The following LPA variants were observed in gnomAD, a reference collection of about 807,000 sequenced individuals.
The protein encoded by LPA is apolipoprotein(a).
LPA carries 199 observed loss-of-function variants against 197.9 expected under a neutral mutation model. The observed-to-expected ratio is 1.01, with a 90% CI of 0.90 to 1.13. LPA has a LOEUF of 1.13. Among genes scored for constraint, LPA ranks in the 50% most tolerant of loss-of-function variants. The pLI is 0.00. For missense variants in LPA, 1,853 were observed against 1,785.8 expected (o/e 1.04, Z -0.68); for synonymous variants, 715 against 639.5 (o/e 1.12, Z -1.78).
At chr6:160,654,072 TAATATATATTATA>T (rs1562355052) in intron 1 of LPA, among the ~76,000 whole-genome samples, 24 of 51,630 alleles carry the variant, frequency 4.6e-4, no homozygotes, top group East Asian at 6.8e-4. Flanking sequence ...ATATTATATA[TAATATATATTATA>T]TATATTATAT....
intron 28 of LPA, among the ~76,000 whole-genome samples, chr6:160,576,684 GTGTGTGTATA>G (rs1277356749): frequency 8.6e-5 from 8 of 92,622 alleles, no homozygotes; most frequent in African/African-American, 1.4e-4. Flanking sequence ...GTGTGTGTGT[GTGTGTGTATA>G]TATATATATA....
At chr6:160,553,434 T>G (rs1228788209) in intron 30 of LPA, among the ~76,000 whole-genome samples, 1 of 152,200 alleles carries the variant, frequency 6.6e-6, no homozygotes, top group Non-Finnish European at 1.5e-5. Flanking sequence ...CGTATTTACA[T>G]CACGTTTATT....
At chr6:160,604,972 G>A (rs957219273) in intron 18 of LPA, 74 bp downstream of exon 18, 7 of 1,598,122 alleles carry the variant, frequency 4.4e-6, no homozygotes, top group Non-Finnish European at 6.0e-6. Context: ...TGAACACTCA[G>A]CTTGAAGCAT....
chr6:160,610,353 C>A (rs546397773), intron 16 of LPA, among the ~76,000 whole-genome samples: 7 of 152,074 alleles, frequency 4.6e-5, no homozygotes, highest in South Asian at 4.2e-4. Context: ...TCTGCAGCTG[C>A]CTTTATTCTA....
At chr6:160,652,874 T>C (rs1039011398) in intron 1 of LPA, among the ~76,000 whole-genome samples, 2 of 152,074 alleles carry the variant, frequency 1.3e-5, no homozygotes, top group African/African-American at 2.4e-5. Context: ...GTATATATTA[T>C]AAACATTGTG....
intron 2 of LPA, among the ~76,000 whole-genome samples, chr6:160,647,440 G>T (rs1389049188): frequency 2.0e-5 from 3 of 152,144 alleles, no homozygotes; most frequent in Non-Finnish European, 2.9e-5. Flanking sequence ...ATCCAACATT[G>T]TGTCTCTAGT....
intron 1 of LPA, among the ~76,000 whole-genome samples, chr6:160,655,799 C>A (rs1474381807): frequency 2.0e-5 from 3 of 152,146 alleles, no homozygotes; most frequent in African/African-American, 7.2e-5. Flanking sequence ...ATCATAATGT[C>A]ATGAATGTAA....
chr6:160,552,363 CT>C (rs1230015213), intron 30 of LPA, among the ~76,000 whole-genome samples: 1 of 152,136 alleles, frequency 6.6e-6, no homozygotes. Flanking sequence ...GATATGGAGT[CT>C]TTTAATCTAT....
chr6:160,592,926 T>C (rs570871190), intron 22 of LPA, among the ~76,000 whole-genome samples: 86 of 152,326 alleles, frequency 5.6e-4, no homozygotes, highest in African/African-American at 2.0e-3. Flanking sequence ...AGCATCTCCA[T>C]TGAGCTCACT....
At chr6:160,610,586 T>C (rs1428466727) in intron 16 of LPA, among the ~76,000 whole-genome samples, 1 of 152,156 alleles carries the variant, frequency 6.6e-6, no homozygotes, top group Non-Finnish European at 1.5e-5. Flanking sequence ...TCTGTGCACA[T>C]GCAGTGTCAT....
intron 20 of LPA, among the ~76,000 whole-genome samples, chr6:160,596,525 A>G (rs1156975744): frequency 6.6e-6 from 1 of 152,120 alleles, no homozygotes; most frequent in African/African-American, 2.4e-5. Flanking sequence ...AGTATAAGAA[A>G]CCAACACTGA....
intron 23 of LPA, 99 bp downstream of exon 23, chr6:160,590,845 A>G: frequency 6.7e-7 from 1 of 1,502,974 alleles, no homozygotes; most frequent in Non-Finnish European, 9.2e-7. Flanking sequence ...CCACATTCAG[A>G]TTCCCGTGCA....
intron 28 of LPA, among the ~76,000 whole-genome samples, chr6:160,574,259 G>A (rs559420293): frequency 3.4e-4 from 51 of 152,144 alleles, no homozygotes; most frequent in African/African-American, 1.1e-3. Context: ...CCCCAACCCC[G>A]CAACAGCTCC....
chr6:160,595,342 T>C lies in LPA; in HGVS notation c.3469+12A>G, dbSNP rs7745744. On this transcript the variant is annotated intron_variant, in intron 21 of 38. Transcript: ENST00000316300. Reference sequence around the variant, plus strand: ...GTCCTAGGGTGTGGTTGTCTGGCCATAGACTTCCTACCTTCTTCAGAAGAA... The same window carrying C: ...GTCCTAGGGTGTGGTTGTCTGGCCACAGACTTCCTACCTTCTTCAGAAGAA... 2.6e-3 allele frequency: 4,222 copies of C among 1,611,318 alleles called. 57 individuals are homozygous for C. In the African/African-American group the frequency reaches 0.034, roughly 13 times the overall value.
intron 26 of LPA, among the ~76,000 whole-genome samples, chr6:160,583,621 T>C (rs925607205): frequency 6.6e-6 from 1 of 152,162 alleles, no homozygotes; most frequent in Admixed American, 6.6e-5. Flanking sequence ...TTCTCCTTTC[T>C]CTCTGGAAAC....
At chr6:160,549,295 T>C (rs925892590) in intron 30 of LPA, among the ~76,000 whole-genome samples, 2 of 152,204 alleles carry the variant, frequency 1.3e-5, no homozygotes, top group Admixed American at 1.3e-4. Context: ...ATATAAAAAC[T>C]GAGATCATAC....
chr6:160,588,207 C>A (rs1018964581), intron 24 of LPA, among the ~76,000 whole-genome samples: 3 of 151,900 alleles, frequency 2.0e-5, no homozygotes, highest in African/African-American at 4.8e-5. Flanking sequence ...ATAGGAATGC[C>A]ATATAACTGA....
Position 160,610,644 on chromosome 6 carries a change from C to T in LPA, c.2603+918G>A, listed in dbSNP as rs937886683. ...ACTTCTATGCGTATTTGTAGAGCTC[C>T]TTTCCTCCACAAACCAGTTCTTATT... On this transcript the variant is annotated intron_variant, in intron 16 of 38. Transcript: ENST00000316300. 3.3e-5 allele frequency among the ~76,000 whole-genome samples: 5 copies of T among 152,134 alleles called. 1 individual carries two copies. The highest frequency in any genetic ancestry group is 7.3e-5 in the Non-Finnish European group (5 of 68,030).
chr6:160,654,005 A>T (rs1230448430), intron 1 of LPA, among the ~76,000 whole-genome samples: 326 of 4,750 alleles, frequency 0.069, 34 homozygotes, highest in African/African-American at 0.17. Flanking sequence ...ATTATATATA[A>T]TATATATTAT....
Sources: allele counts gnomAD v4.1 joint callset (sites outside exome capture counted in the v4.1 genomes callset), GRCh38; gene constraint gnomAD v4.1.1; transcripts MANE v1.5; gene names NCBI Gene and HGNC (gene_info 2026-07-23, HGNC 2026-07-21).